Variants in PPM1E observed in about 807,000 individuals in gnomAD.
PPM1E encodes protein phosphatase 1E.
A neutral mutation model predicts 65.9 loss-of-function variants in PPM1E; 20 were observed. The observed-to-expected ratio is 0.30, with a 90% CI of 0.21 to 0.44. The LOEUF is 0.44. Ranked by LOEUF, PPM1E falls within the 20% of genes least tolerant of loss-of-function variation. PPM1E has a pLI of 1.00. For missense variants in PPM1E, 713 were observed against 953.1 expected (o/e 0.75, Z 3.32); for synonymous variants, 352 against 374.9 (o/e 0.94, Z 0.70).
At chr17:58,962,091 CCTGA>C (rs1219431424) in intron 2 of PPM1E, among the ~76,000 whole-genome samples, 1 of 152,072 alleles carries the variant, frequency 6.6e-6, no homozygotes, top group Non-Finnish European at 1.5e-5. Flanking sequence ...TCGAGACCAG[CCTGA>C]CTAACATGGA....
At chr17:58,896,427 A>T (rs920540409) in intron 1 of PPM1E, among the ~76,000 whole-genome samples, 1 of 151,848 alleles carries the variant, frequency 6.6e-6, no homozygotes, top group African/African-American at 2.4e-5. Flanking sequence ...TCTACTGAAA[A>T]TACAAAAATT....
At chr17:58,894,024 G>A (rs2051380881) in intron 1 of PPM1E, among the ~76,000 whole-genome samples, 1 of 152,016 alleles carries the variant, frequency 6.6e-6, no homozygotes, top group Non-Finnish European at 1.5e-5. Context: ...AGTGAACCAT[G>A]ATCACACCAC....
intron 2 of PPM1E, among the ~76,000 whole-genome samples, chr17:58,961,249 G>A (rs149800103): frequency 6.6e-5 from 10 of 152,258 alleles, no homozygotes; most frequent in African/African-American, 2.4e-4. Flanking sequence ...TATTTTAATG[G>A]TTATTTAATT....
At position 58,947,110 on chromosome 17, in the gene PPM1E, GTTTTTTTTTT is replaced by G. The variant is rs56666470; in HGVS notation, c.465-8520_465-8511del. Among the ~76,000 whole-genome samples the G allele has an allele frequency of 5.4e-4, 24 of 44,094 alleles. No individual in the cohort carries two copies. In the East Asian group the frequency reaches 0.018, roughly 32 times the overall value. 28.9% of individuals were successfully genotyped at this position (44,094 alleles called of 152,430 possible). On this transcript the variant is annotated intron_variant, in intron 1 of 6. Coordinates refer to ENST00000308249, the MANE Select transcript of PPM1E (RefSeq NM_014906.5). ...ACAGAAAGTTATTTTCCTTTTTCCTGTTTTTTTTTTTTTTTTTTTTTTTTTTTTAGACAGT... is the reference window on the plus strand; with the variant it reads ...ACAGAAAGTTATTTTCCTTTTTCCTGTTTTTTTTTTTTTTTTTTAGACAGT...
At chr17:58,910,068 A>AATTT (rs1055375653) in intron 1 of PPM1E, among the ~76,000 whole-genome samples, 7 of 151,324 alleles carry the variant, frequency 4.6e-5, no homozygotes, top group African/African-American at 1.7e-4. Flanking sequence ...ACACCCAGAT[A>AATTT]ATTTTTGTAT....
chr17:58,824,621 G>A (rs1457510426), intron 1 of PPM1E, among the ~76,000 whole-genome samples: 2 of 148,786 alleles, frequency 1.3e-5, no homozygotes, highest in Admixed American at 6.7e-5. Context: ...ACGGAGTCTC[G>A]CTCGTCGCCC....
At chr17:58,787,923 A>C (rs910423442) in intron 1 of PPM1E, among the ~76,000 whole-genome samples, 1 of 149,358 alleles carries the variant, frequency 6.7e-6, no homozygotes, top group Non-Finnish European at 1.5e-5. Context: ...AAAAAAAAAG[A>C]AAAGAAAGAA....
At chr17:58,778,862 T>G (rs1047337914) in intron 1 of PPM1E, among the ~76,000 whole-genome samples, 7 of 149,940 alleles carry the variant, frequency 4.7e-5, no homozygotes, top group Admixed American at 4.0e-4. Context: ...AGAGCCATCC[T>G]TTAGGAATAG....
intron 1 of PPM1E, among the ~76,000 whole-genome samples, chr17:58,947,740 C>T (rs1287808265): frequency 6.6e-6 from 1 of 152,104 alleles, no homozygotes; most frequent in Non-Finnish European, 1.5e-5. Flanking sequence ...TACCACAAAA[C>T]TTAGTGGCAT....
intron 1 of PPM1E, among the ~76,000 whole-genome samples, chr17:58,783,673 G>T (rs2050070268): frequency 6.6e-6 from 1 of 152,118 alleles, no homozygotes; most frequent in Non-Finnish European, 1.5e-5. Flanking sequence ...AGAATAAACA[G>T]GATGCTTCGA....
At chr17:58,805,959 AAC>A (rs1372981564) in intron 1 of PPM1E, among the ~76,000 whole-genome samples, 19 of 99,926 alleles carry the variant, frequency 1.9e-4, no homozygotes, top group African/African-American at 6.4e-4. Context: ...TAAAAAAAAA[AAC>A]AAAAAAAAAA....
At chr17:58,769,395 GACCA>G (rs1424670857) in intron 1 of PPM1E, among the ~76,000 whole-genome samples, 1 of 152,050 alleles carries the variant, frequency 6.6e-6, no homozygotes, top group Non-Finnish European at 1.5e-5. Context: ...CCAAGTTTGA[GACCA>G]ACCTGGGCAA....
intron 1 of PPM1E, among the ~76,000 whole-genome samples, chr17:58,831,418 G>A (rs1174903147): frequency 2.6e-5 from 4 of 152,174 alleles, no homozygotes; most frequent in Non-Finnish European, 5.9e-5. Context: ...CTTAATTTTA[G>A]TAAGGTGATT....
intron 1 of PPM1E, among the ~76,000 whole-genome samples, chr17:58,921,424 C>T (rs1036370684): frequency 1.3e-5 from 2 of 152,102 alleles, no homozygotes; most frequent in Admixed American, 1.3e-4. Flanking sequence ...TGGCTCATGT[C>T]TGTAGTCCTA....
intron 1 of PPM1E, among the ~76,000 whole-genome samples, chr17:58,827,241 G>A (rs1010207214): frequency 6.1e-5 from 9 of 147,284 alleles, no homozygotes; most frequent in Non-Finnish European, 6.0e-5. Context: ...GGGTTCAAGC[G>A]ATTCTCCTGC....
chr17:58,945,656 A>G (rs2052139955), intron 1 of PPM1E, among the ~76,000 whole-genome samples: 1 of 152,222 alleles, frequency 6.6e-6, no homozygotes, highest in African/African-American at 2.4e-5. Context: ...ACTTCTGACC[A>G]ACTGGTTATA....
intron 1 of PPM1E, among the ~76,000 whole-genome samples, chr17:58,945,875 GCCAC>G (rs968773041): frequency 1.4e-4 from 21 of 152,264 alleles, no homozygotes; most frequent in South Asian, 4.2e-4. Flanking sequence ...GGTGGGGTAT[GCCAC>G]CCTTCTAGCA....
chr17:58,798,326 T>C (rs943556326), intron 1 of PPM1E, among the ~76,000 whole-genome samples: 1 of 151,182 alleles, frequency 6.6e-6, no homozygotes. Flanking sequence ...CCTCCCGGGT[T>C]CAAGCGATTC....
intron 1 of PPM1E, among the ~76,000 whole-genome samples, chr17:58,807,256 C>T (rs1435584049): frequency 2.0e-5 from 3 of 152,074 alleles, no homozygotes; most frequent in Non-Finnish European, 2.9e-5. Context: ...AGTGAACATA[C>T]TTGATTGCTA....
Sources: gnomAD v4.1 joint callset for allele counts (sites outside exome capture counted in the v4.1 genomes callset) on GRCh38, gnomAD v4.1.1 for gene constraint, MANE v1.5 for transcripts, NCBI Gene and HGNC (gene_info 2026-07-23, HGNC 2026-07-21) for gene names.